LRRC4C: variants seen among roughly 807,000 people sequenced by gnomAD.
The protein encoded by LRRC4C is leucine rich repeat containing 4C.
Under a neutral mutation model 33.6 loss-of-function variants are expected in LRRC4C, and 5 were observed. The ratio of observed to expected loss-of-function variants is 0.15; its 90% CI spans 0.08 to 0.31. The LOEUF (loss-of-function observed/expected upper bound fraction) is 0.31. Among genes scored for constraint, LRRC4C ranks in the 10% least tolerant of loss-of-function variants. The probability of loss-of-function intolerance (pLI) is 1.00; values close to 1 mark genes in which losing one functional copy is unlikely to be tolerated. For missense variants in LRRC4C, 560 were observed against 796.7 expected (o/e 0.70, Z 3.58); for synonymous variants, 329 against 302.0 (o/e 1.09, Z -0.93).
chr11:41,101,050 C>A (rs974575060), intron 1 of LRRC4C, among the ~76,000 whole-genome samples: 1 of 151,978 alleles, frequency 6.6e-6, no homozygotes, highest in Non-Finnish European at 1.5e-5. Flanking sequence ...CCATAAAAAC[C>A]CTGGAAGACA....
intron 1 of LRRC4C, among the ~76,000 whole-genome samples, chr11:40,949,011 A>C (rs547271984): frequency 1.3e-3 from 203 of 152,162 alleles, no homozygotes; most frequent in African/African-American, 4.4e-3. Context: ...CTATTTCTCC[A>C]CATCCTCTCC....
At chr11:40,699,315 G>T (rs891994878) in intron 2 of LRRC4C, among the ~76,000 whole-genome samples, 1 of 152,082 alleles carries the variant, frequency 6.6e-6, no homozygotes, top group Non-Finnish European at 1.5e-5. Flanking sequence ...TCTGGTACAC[G>T]CCAAATGGCT....
At chr11:40,709,806 C>T (rs1344766322) in intron 2 of LRRC4C, among the ~76,000 whole-genome samples, 3 of 152,324 alleles carry the variant, frequency 2.0e-5, no homozygotes, top group African/African-American at 7.2e-5. Flanking sequence ...TCCATTCTCC[C>T]TGTCACTTTC....
intron 3 of LRRC4C, among the ~76,000 whole-genome samples, chr11:40,513,334 AAGG>A (rs1224076526): frequency 6.6e-6 from 1 of 152,076 alleles, no homozygotes; most frequent in Non-Finnish European, 1.5e-5. Flanking sequence ...TATATTAGTC[AAGG>A]AGTTCAGAGA....
At chr11:40,435,283 C>A (rs1590726651) in intron 3 of LRRC4C, among the ~76,000 whole-genome samples, 1 of 152,204 alleles carries the variant, frequency 6.6e-6, no homozygotes, top group African/African-American at 2.4e-5. Flanking sequence ...GCAGACATTA[C>A]CCTGTGCCCA....
At chr11:40,590,104 T>C (rs1289271771) in intron 3 of LRRC4C, among the ~76,000 whole-genome samples, 3 of 151,622 alleles carry the variant, frequency 2.0e-5, no homozygotes, top group African/African-American at 7.3e-5. Flanking sequence ...CCCCGTCACT[T>C]TCAGGTACAC....
intron 4 of LRRC4C, among the ~76,000 whole-genome samples, chr11:40,264,153 T>A (rs1190963161): frequency 6.6e-6 from 1 of 152,188 alleles, no homozygotes; most frequent in Non-Finnish European, 1.5e-5. Context: ...TGTTACCTAC[T>A]AAATCCATAA....
intron 5 of LRRC4C, among the ~76,000 whole-genome samples, chr11:40,175,784 C>T (rs905516928): frequency 1.3e-4 from 20 of 152,114 alleles, no homozygotes; most frequent in Admixed American, 1.1e-3. Flanking sequence ...GATTATATAC[C>T]GTCTTCTGCT....
chr11:40,334,733 A>G (rs531078301), intron 3 of LRRC4C, among the ~76,000 whole-genome samples: 1 of 152,362 alleles, frequency 6.6e-6, no homozygotes, highest in African/African-American at 2.4e-5. Context: ...TATGAAAAAA[A>G]GCATTAACAC....
intron 1 of LRRC4C, among the ~76,000 whole-genome samples, chr11:41,306,115 C>T (rs987486546): frequency 6.6e-6 from 1 of 151,598 alleles, no homozygotes; most frequent in African/African-American, 2.4e-5. Flanking sequence ...AATTTTTCAC[C>T]TCAGTCTAGA....
chr11:41,048,977 C>G (rs558007933), intron 1 of LRRC4C, among the ~76,000 whole-genome samples: 2 of 152,250 alleles, frequency 1.3e-5, no homozygotes, highest in East Asian at 1.9e-4. Flanking sequence ...CAGATTGATT[C>G]GTAATGAGTT....
intron 1 of LRRC4C, among the ~76,000 whole-genome samples, chr11:41,193,675 A>C (rs1201606527): frequency 6.6e-6 from 1 of 152,116 alleles, no homozygotes; most frequent in Non-Finnish European, 1.5e-5. Flanking sequence ...AATTAACCAA[A>C]GACATCTTAA....
chr11:41,456,865 C>T (rs1003567023), intron 1 of LRRC4C, among the ~76,000 whole-genome samples: 6 of 152,078 alleles, frequency 3.9e-5, no homozygotes, highest in African/African-American at 1.4e-4. Context: ...ATTGCTCTGG[C>T]CTGAGCTGAA....
At chr11:41,409,824 A>C (rs190681832) in intron 1 of LRRC4C, among the ~76,000 whole-genome samples, 1 of 152,324 alleles carries the variant, frequency 6.6e-6, no homozygotes, top group Non-Finnish European at 1.5e-5. Flanking sequence ...TAATCCAAAA[A>C]ATTGCGAAAA....
intron 4 of LRRC4C, among the ~76,000 whole-genome samples, chr11:40,309,447 C>A (rs1276614600): frequency 6.6e-6 from 1 of 151,576 alleles, no homozygotes; most frequent in Non-Finnish European, 1.5e-5. Context: ...TATTTTATTT[C>A]AGTTATTATT....
At chr11:40,870,876 C>T (rs1243046214) in intron 2 of LRRC4C, among the ~76,000 whole-genome samples, 1 of 152,096 alleles carries the variant, frequency 6.6e-6, no homozygotes, top group African/African-American at 2.4e-5. Flanking sequence ...ACTCTGACTG[C>T]CGGTGAGCCA....
intron 1 of LRRC4C, among the ~76,000 whole-genome samples, chr11:41,316,831 T>G (rs1950812484): frequency 6.6e-6 from 1 of 152,206 alleles, no homozygotes; most frequent in South Asian, 2.1e-4. Context: ...TTCATTCACT[T>G]GAAATAAATT....
chr11:41,136,139 G>A (rs1416330915), intron 1 of LRRC4C, among the ~76,000 whole-genome samples: 1 of 152,000 alleles, frequency 6.6e-6, no homozygotes, highest in Non-Finnish European at 1.5e-5. Context: ...AACAACACAC[G>A]CTTTCCCTAC....
chr11:40,501,045 T>A (rs903019373), intron 3 of LRRC4C, among the ~76,000 whole-genome samples: 1 of 152,152 alleles, frequency 6.6e-6, no homozygotes, highest in African/African-American at 2.4e-5. Context: ...ACAGACCCCA[T>A]GCAAGTCTGA....
Sources: gnomAD v4.1 joint callset for allele counts (sites outside exome capture counted in the v4.1 genomes callset) on GRCh38, gnomAD v4.1.1 for gene constraint, MANE v1.5 for transcripts, NCBI Gene and HGNC (gene_info 2026-07-23, HGNC 2026-07-21) for gene names.